The following SH3PXD2B variants were observed in gnomAD, a reference collection of about 807,000 sequenced individuals.
SH3PXD2B encodes the protein SH3 and PX domain-containing protein 2B.
Under a neutral mutation model 73.1 loss-of-function variants are expected in SH3PXD2B, and 37 were observed. That is an observed-to-expected ratio of 0.51 (90% CI 0.39 to 0.67). The LOEUF (loss-of-function observed/expected upper bound fraction) is 0.67. Ranked by LOEUF, SH3PXD2B falls within the 30% of genes least tolerant of loss-of-function variation. The pLI, the probability that SH3PXD2B is intolerant of heterozygous loss-of-function variation, is 0.00. For synonymous variants in SH3PXD2B, 457 were observed against 480.5 expected (o/e 0.95, Z 0.64); for missense variants, 1,053 against 1,197.8 (o/e 0.88, Z 1.78).
At chr5:172,422,189 T>C (rs1758980599) in intron 2 of SH3PXD2B, among the ~76,000 whole-genome samples, 1 of 152,168 alleles carries the variant, frequency 6.6e-6, no homozygotes, top group Admixed American at 6.5e-5. Context: ...GAGACGGGGT[T>C]TCACCATGTT....
chr5:172,394,664 G>T (rs748056986), intron 3 of SH3PXD2B, 25 bp from the exon 4 acceptor site: 1 of 1,612,626 alleles, frequency 6.2e-7, no homozygotes, highest in South Asian at 1.1e-5. Context: ...AGCAAAGACA[G>T]TGTTGTCAGG....
At chr5:172,429,024 C>T (rs1170853645) in intron 1 of SH3PXD2B, among the ~76,000 whole-genome samples, 1 of 152,210 alleles carries the variant, frequency 6.6e-6, no homozygotes, top group Non-Finnish European at 1.5e-5. Flanking sequence ...TGAAATTGCT[C>T]AAGTGTCTGA....
At chr5:172,348,662 T>TCTATCTATC (rs1561896679) in intron 10 of SH3PXD2B, among the ~76,000 whole-genome samples, 36 of 30,548 alleles carry the variant, frequency 1.2e-3, no homozygotes, top group African/African-American at 3.1e-3. Flanking sequence ...ATCCTATCTA[T>TCTATCTATC]CTATCTATCT....
chr5:172,439,264 CAAAA>C (rs1212630397), intron 1 of SH3PXD2B, among the ~76,000 whole-genome samples: 1 of 45,770 alleles, frequency 2.2e-5, no homozygotes, highest in African/African-American at 1.0e-4. Flanking sequence ...AAAAAAAAAA[CAAAA>C]ACAAAAACAA....
rs1756630314 is a variant in SH3PXD2B at position 172,334,083 on chromosome 5, C to T, written c.*4286G>A. 4.4e-6 allele frequency: 5 copies of T among 1,137,194 alleles called. No homozygotes were observed. Among genetic ancestry groups the T allele is most frequent in the African/African-American group, 1.7e-5 (1 of 59,130 alleles). The allele number at this position is 1,137,194 out of a possible 1,614,324, so 70.4% of individuals were successfully genotyped here. On this transcript the variant is annotated 3_prime_UTR_variant, in exon 13 of 13. Transcript: ENST00000311601. ...CTCTTTGAGGACAGAAGAGGTTGAG[C>T]CCCTCATCCCTGATTGGAGCTAAGA... is the stretch of plus-strand genomic sequence containing the variant.
intron 5 of SH3PXD2B, among the ~76,000 whole-genome samples, chr5:172,377,505 G>C (rs1355182410): frequency 6.6e-6 from 1 of 152,150 alleles, no homozygotes; most frequent in Non-Finnish European, 1.5e-5. Flanking sequence ...GGCATCACTA[G>C]GTAAGCACCT....
chr5:172,434,788 T>TTTTTTTGTTTTTTG (rs1561581274), intron 1 of SH3PXD2B, among the ~76,000 whole-genome samples: 1 of 50,960 alleles, frequency 2.0e-5, no homozygotes, highest in African/African-American at 8.2e-5. Flanking sequence ...AATGGTTTTT[T>TTTTTTTGTTTTTTG]TTTTTTTTTT....
chr5:172,344,075 C>G (rs1756922550), intron 12 of SH3PXD2B, among the ~76,000 whole-genome samples: 1 of 152,008 alleles, frequency 6.6e-6, no homozygotes. Flanking sequence ...GTACCTGACA[C>G]AGAAGAGGTG....
chr5:172,355,116 G>A (rs1301142611), intron 8 of SH3PXD2B, among the ~76,000 whole-genome samples: 1 of 152,264 alleles, frequency 6.6e-6, no homozygotes, highest in African/African-American at 2.4e-5. Context: ...GCCCCTGGTT[G>A]AGTGCCTGAG....
chr5:172,356,340 T>C (rs886624892), intron 8 of SH3PXD2B, among the ~76,000 whole-genome samples: 11 of 152,300 alleles, frequency 7.2e-5, no homozygotes, highest in African/African-American at 2.6e-4. Context: ...CCTGGGCTTT[T>C]AGTGATATAA....
intron 1 of SH3PXD2B, among the ~76,000 whole-genome samples, chr5:172,453,758 C>T (rs545953128): frequency 2.6e-4 from 40 of 152,306 alleles, no homozygotes; most frequent in African/African-American, 9.6e-4. Flanking sequence ...ATGATCCATT[C>T]CCAGAGATCT....
chr5:172,402,467 C>G (rs916839079), intron 3 of SH3PXD2B, among the ~76,000 whole-genome samples: 3 of 152,198 alleles, frequency 2.0e-5, no homozygotes, highest in Non-Finnish European at 4.4e-5. Flanking sequence ...TTCGTACACT[C>G]CCTCCCCTTT....
Position 172,334,216 on chromosome 5 carries a change from G to A in SH3PXD2B, c.*4153C>T, listed in dbSNP as rs1217085971. 13 of 1,093,148 alleles carry A rather than the reference G, an allele frequency of 1.2e-5. No individual in the cohort carries two copies. The highest frequency in any genetic ancestry group is 1.3e-5 in the Non-Finnish European group (12 of 898,284). 67.7% of individuals were successfully genotyped at this position (1,093,148 alleles called of 1,614,324 possible). ...CACCAGAAACCAGATGCCACCCCACGGAGCTGGGCAGTCCAGTCTGTAGAA... is the reference window on the plus strand; with the variant it reads ...CACCAGAAACCAGATGCCACCCCACAGAGCTGGGCAGTCCAGTCTGTAGAA... On this transcript the variant is annotated 3_prime_UTR_variant, in exon 13 of 13. Transcript: ENST00000311601.
chr5:172,325,806 C>T (rs775044115), intron 12 of SH3PXD2B, among the ~76,000 whole-genome samples: 1 of 152,002 alleles, frequency 6.6e-6, no homozygotes, highest in Non-Finnish European at 1.5e-5. Flanking sequence ...TTTGAGACAG[C>T]GTTTCGCTGT....
chr5:172,348,711 T>TATCTATC (rs1561896964), intron 10 of SH3PXD2B, among the ~76,000 whole-genome samples: 112 of 36,976 alleles, frequency 3.0e-3, no homozygotes, highest in East Asian at 0.01. Context: ...ATCTATCTAT[T>TATCTATC]TATTTATTTT....
intron 1 of SH3PXD2B, among the ~76,000 whole-genome samples, chr5:172,449,744 A>C (rs2113522138): frequency 6.6e-6 from 1 of 152,352 alleles, no homozygotes; most frequent in South Asian, 2.1e-4. Flanking sequence ...CAGAGAGCAA[A>C]GGGAACCCTG....
chr5:172,338,024 G>A lies in SH3PXD2B; in HGVS notation c.*345C>T. 1 of 1,225,948 alleles carries A rather than the reference G, an allele frequency of 8.2e-7. No individual in the cohort carries two copies. Among genetic ancestry groups the A allele is most frequent in the Non-Finnish European group, 1.0e-6 (1 of 973,286 alleles). The allele number at this position is 1,225,948 out of a possible 1,614,324, so 75.9% of individuals were successfully genotyped here. A position where few individuals can be genotyped will look rare whatever the true frequency, so the allele number is the denominator to read the frequency against. On this transcript the variant is annotated 3_prime_UTR_variant, in exon 13 of 13. Transcript: ENST00000311601. The surrounding 1 kb of genome is among the most constrained non-coding windows in gnomAD (Gnocchi z 5.1). ...AGAGACCCTTGCTGGAGTTTCTCCA[G>A]GCAATGGGATCCAGTCCTGGAGGTC... is the stretch of plus-strand genomic sequence containing the variant.
At chr5:172,406,253 T>C in intron 3 of SH3PXD2B, 24 bp downstream of exon 3, 1 of 1,613,190 alleles carries the variant, frequency 6.2e-7, no homozygotes, top group Middle Eastern at 1.7e-4. Context: ...AGTGTCCCAG[T>C]CTGAGAGCAC....
intron 1 of SH3PXD2B, among the ~76,000 whole-genome samples, chr5:172,453,933 C>T (rs919725769): frequency 2.0e-5 from 3 of 152,162 alleles, no homozygotes; most frequent in African/African-American, 7.2e-5. Flanking sequence ...CTTTCTGTCT[C>T]AGACCCCTCA....
Sources: gnomAD v4.1 joint callset for allele counts (sites outside exome capture counted in the v4.1 genomes callset) on GRCh38, gnomAD v4.1.1 for gene constraint, Gnocchi (gnomAD v3.1) non-coding constraint, MANE v1.5 for transcripts, NCBI Gene and HGNC (gene_info 2026-07-23, HGNC 2026-07-21) for gene names.